Variants in ERBB4 observed in about 807,000 individuals in gnomAD.
ERBB4 encodes receptor tyrosine-protein kinase erbB-4.
Under a neutral mutation model 158.0 loss-of-function variants are expected in ERBB4, and 42 were observed. That is an observed-to-expected ratio of 0.27 (90% confidence interval 0.21 to 0.34). The LOEUF is 0.34. Ranked by LOEUF, ERBB4 falls within the 10% of genes least tolerant of loss-of-function variation. The pLI, the probability that ERBB4 is intolerant of heterozygous loss-of-function variation, is 1.00. For missense variants in ERBB4, 1,333 were observed against 1,624.1 expected (o/e 0.82, Z 3.08); for synonymous variants, 583 against 558.7 (o/e 1.04, Z -0.61).
At chr2:211,658,361 T>A (rs1400548477) in intron 15 of ERBB4, among the ~76,000 whole-genome samples, 1 of 151,252 alleles carries the variant, frequency 6.6e-6, no homozygotes, top group Admixed American at 6.6e-5. Flanking sequence ...GGTTTCTTCT[T>A]AAAGGCCTTA....
At chr2:212,349,344 T>G (rs2089155063) in intron 1 of ERBB4, among the ~76,000 whole-genome samples, 1 of 150,814 alleles carries the variant, frequency 6.6e-6, no homozygotes. Context: ...TTGACAGCCC[T>G]GCTGTGACTA....
chr2:212,387,992 T>A (rs1160466370), intron 1 of ERBB4, among the ~76,000 whole-genome samples: 2 of 152,086 alleles, frequency 1.3e-5, no homozygotes, highest in Non-Finnish European at 2.9e-5. Context: ...AGAAGTAATA[T>A]CAGTATTAGA....
chr2:212,321,722 A>G lies in ERBB4; in HGVS notation c.83-196819T>C, dbSNP rs191817330. On this transcript the variant is annotated intron_variant, in intron 1 of 27. Coordinates refer to ENST00000342788, the MANE Select transcript of ERBB4 (RefSeq NM_005235.3). Reference sequence around the variant, plus strand: ...AAAACAAGAAAATAAATAAAACCACAACAAAACCTGTATCTTTGCTAATAG... The same window carrying G: ...AAAACAAGAAAATAAATAAAACCACGACAAAACCTGTATCTTTGCTAATAG... 2.5e-3 allele frequency among the ~76,000 whole-genome samples: 375 copies of G among 150,470 alleles called. 4 individuals are homozygous for G. The highest frequency in any genetic ancestry group is 8.9e-3 in the African/African-American group (368 of 41,352).
intron 20 of ERBB4, among the ~76,000 whole-genome samples, chr2:211,507,932 T>C (rs912323673): frequency 2.0e-5 from 3 of 152,166 alleles, no homozygotes; most frequent in African/African-American, 7.2e-5. Flanking sequence ...GCTAGCCATA[T>C]GCAGAAAACT....
At position 212,258,554 on chromosome 2, in the gene ERBB4, G is replaced by T. The variant is rs570501740; in HGVS notation, c.83-133651C>A. Among the ~76,000 whole-genome samples, 5 of 149,648 alleles carry T rather than the reference G, an allele frequency of 3.3e-5. No individual in the cohort carries two copies. The South Asian group carries it at 1.0e-3, about 31-fold the overall frequency. ...GGTAATAAAAGGTAAATTTTAAAAA[G>T]ATTTTCATTCCAACAAGCCAGGGAA... is the stretch of plus-strand genomic sequence containing the variant. On this transcript the variant is annotated intron_variant, in intron 1 of 27. Coordinates refer to ENST00000342788, the MANE Select transcript of ERBB4 (RefSeq NM_005235.3).
intron 3 of ERBB4, among the ~76,000 whole-genome samples, chr2:211,937,309 A>C (rs995254539): frequency 3.3e-5 from 5 of 152,184 alleles, no homozygotes; most frequent in Non-Finnish European, 7.3e-5. Flanking sequence ...GTTATTAAAT[A>C]AATGCTATAA....
intron 1 of ERBB4, among the ~76,000 whole-genome samples, chr2:212,155,492 G>A (rs1246409864): frequency 2.0e-5 from 3 of 151,958 alleles, no homozygotes; most frequent in South Asian, 2.1e-4. Context: ...CTCTGGCCCC[G>A]CCCCAGACCT....
intron 1 of ERBB4, among the ~76,000 whole-genome samples, chr2:212,125,458 T>C (rs1007121870): frequency 6.6e-6 from 1 of 152,234 alleles, no homozygotes; most frequent in Non-Finnish European, 1.5e-5. Context: ...ATACGCAGGC[T>C]TGTTTACATA....
At chr2:211,525,795 C>T (rs879858867) in intron 20 of ERBB4, among the ~76,000 whole-genome samples, 5 of 152,032 alleles carry the variant, frequency 3.3e-5, no homozygotes, top group Non-Finnish European at 5.9e-5. Flanking sequence ...TGAACATCAG[C>T]GAGAGTCTGG....
intron 25 of ERBB4, among the ~76,000 whole-genome samples, chr2:211,418,295 C>T (rs2063438464): frequency 6.6e-6 from 1 of 152,062 alleles, no homozygotes. Context: ...GGCATTTGTA[C>T]ATGTTAGAAA....
chr2:212,326,124 A>G (rs1340721931), intron 1 of ERBB4, among the ~76,000 whole-genome samples: 2 of 150,656 alleles, frequency 1.3e-5, no homozygotes, highest in African/African-American at 4.8e-5. Flanking sequence ...TTAAAATCCA[A>G]AGTAGTTCTG....
chr2:211,662,738 T>A (rs2071476533), intron 15 of ERBB4, among the ~76,000 whole-genome samples: 1 of 152,208 alleles, frequency 6.6e-6, no homozygotes, highest in South Asian at 2.1e-4. Context: ...CCATTATATT[T>A]AATGTACTTT....
intron 19 of ERBB4, among the ~76,000 whole-genome samples, chr2:211,571,513 C>A (rs2067729421): frequency 6.6e-6 from 1 of 152,136 alleles, no homozygotes; most frequent in African/African-American, 2.4e-5. Flanking sequence ...TGCCCATATT[C>A]CAAGTTTTCT....
chr2:211,935,332 A>G lies in ERBB4; in HGVS notation c.421+12098T>C, dbSNP rs13422186. Among the ~76,000 whole-genome samples the G allele has an allele frequency of 9.8e-3, 1,494 of 152,208 alleles. 25 individuals are homozygous for G. The highest frequency in any genetic ancestry group is 0.034 in the African/African-American group (1,428 of 41,522). On this transcript the variant is annotated intron_variant, in intron 3 of 27. Transcript: ENST00000342788. ...GTGTTTCAGAGGAGATGAGTTTGTG[A>G]GTCTGAGTAGAGTTAAGTAGGTAAG...
intron 3 of ERBB4, among the ~76,000 whole-genome samples, chr2:211,853,543 T>G (rs950521042): frequency 2.6e-5 from 4 of 152,052 alleles, no homozygotes; most frequent in African/African-American, 9.7e-5. Flanking sequence ...CTGGAGATCA[T>G]TAGCCTCTTT....
intron 1 of ERBB4, among the ~76,000 whole-genome samples, chr2:212,223,616 A>G (rs997245868): frequency 2.6e-5 from 4 of 151,430 alleles, no homozygotes; most frequent in African/African-American, 9.7e-5. Flanking sequence ...TTGGAAAGCC[A>G]CTGTGACTCC....
intron 12 of ERBB4, among the ~76,000 whole-genome samples, chr2:211,696,106 CTCTTTA>C (rs913820196): frequency 4.6e-5 from 6 of 129,988 alleles, no homozygotes; most frequent in Non-Finnish European, 9.4e-5. Flanking sequence ...CTCTTTCTTT[CTCTTTA>C]TCTCTTTCTT....
intron 2 of ERBB4, among the ~76,000 whole-genome samples, chr2:211,973,605 A>C (rs1335641919): frequency 6.6e-6 from 1 of 152,206 alleles, no homozygotes; most frequent in Admixed American, 6.5e-5. Flanking sequence ...GGTTGTGGAG[A>C]AAAAAGAATA....
intron 3 of ERBB4, among the ~76,000 whole-genome samples, chr2:211,887,593 C>T (rs928750460): frequency 6.6e-6 from 1 of 152,128 alleles, no homozygotes; most frequent in African/African-American, 2.4e-5. Context: ...ACTTTCTAAA[C>T]AAATATACCT....
Sources: allele counts gnomAD v4.1 joint callset (sites outside exome capture counted in the v4.1 genomes callset), GRCh38; gene constraint gnomAD v4.1.1; transcripts MANE v1.5; gene names NCBI Gene and HGNC (gene_info 2026-07-23, HGNC 2026-07-21).